SLC8A3: variants seen among roughly 807,000 people sequenced by gnomAD.
The protein encoded by SLC8A3 is sodium/calcium exchanger 3.
In SLC8A3, 37 loss-of-function variants were observed where a neutral mutation model predicts 65.4. The observed-to-expected ratio is 0.57, with a 90% CI of 0.44 to 0.74. The LOEUF (loss-of-function observed/expected upper bound fraction) is 0.74. SLC8A3 is among the 30% of genes least tolerant of loss of function. The pLI is 0.00. For missense variants in SLC8A3, 1,112 were observed against 1,172.1 expected (o/e 0.95, Z 0.75); for synonymous variants, 461 against 444.5 (o/e 1.04, Z -0.47).
intron 2 of SLC8A3, among the ~76,000 whole-genome samples, chr14:70,132,695 G>C (rs1032902106): frequency 2.2e-4 from 34 of 152,076 alleles, no homozygotes; most frequent in Non-Finnish European, 1.0e-4. Context: ...AGGGGGTAGG[G>C]GTATCTAAAT....
intron 3 of SLC8A3, among the ~76,000 whole-genome samples, chr14:70,057,208 G>A (rs12435978): frequency 0.062 from 9,398 of 152,144 alleles, 619 homozygotes; most frequent in East Asian, 0.39. Flanking sequence ...ACTTTTTTAG[G>A]TATCTCCCAT....
intron 2 of SLC8A3, among the ~76,000 whole-genome samples, chr14:70,068,917 AG>A (rs1158586509): frequency 3.3e-5 from 5 of 151,990 alleles, no homozygotes; most frequent in Admixed American, 2.6e-4. Flanking sequence ...TCTAGAGACG[AG>A]GTGTCACCAT....
intron 3 of SLC8A3, among the ~76,000 whole-genome samples, chr14:70,058,546 A>G (rs1296698860): frequency 6.6e-6 from 1 of 152,152 alleles, no homozygotes; most frequent in Non-Finnish European, 1.5e-5. Flanking sequence ...TTGTCTTCTC[A>G]CCTACTCCCT....
intron 2 of SLC8A3, among the ~76,000 whole-genome samples, chr14:70,160,847 G>C (rs1038624862): frequency 1.4e-5 from 2 of 145,550 alleles, no homozygotes; most frequent in Admixed American, 7.0e-5. Context: ...CATATTCTTT[G>C]ACAGTCTCAG....
chr14:70,184,010 C>T (rs958311949), intron 1 of SLC8A3, among the ~76,000 whole-genome samples: 1 of 152,210 alleles, frequency 6.6e-6, no homozygotes, highest in African/African-American at 2.4e-5. Flanking sequence ...CTGCCTGTTG[C>T]TTCACTGCAA....
chr14:70,178,094 TCA>T (rs1882393700), intron 1 of SLC8A3, among the ~76,000 whole-genome samples: 2 of 152,298 alleles, frequency 1.3e-5, no homozygotes, highest in South Asian at 2.1e-4. Context: ...CCATACCACA[TCA>T]GGCCCCTTCC....
chr14:70,118,048 T>G (rs1160162308), intron 2 of SLC8A3, among the ~76,000 whole-genome samples: 1 of 152,202 alleles, frequency 6.6e-6, no homozygotes, highest in Non-Finnish European at 1.5e-5. Flanking sequence ...GATCTGTGAG[T>G]ATAAATACTT....
At chr14:70,169,556 T>C (rs1469155735) in intron 1 of SLC8A3, among the ~76,000 whole-genome samples, 1 of 151,688 alleles carries the variant, frequency 6.6e-6, no homozygotes, top group Non-Finnish European at 1.5e-5. Flanking sequence ...CTCAAACCAC[T>C]AAAAGGTGAG....
chr14:70,126,558 T>TCACA (rs1463664680), intron 2 of SLC8A3, among the ~76,000 whole-genome samples: 6 of 94,800 alleles, frequency 6.3e-5, no homozygotes, highest in African/African-American at 1.2e-4. Flanking sequence ...TCTCTCTCTC[T>TCACA]CTCTCTCTCT....
At chr14:70,088,728 A>G (rs1160847230) in intron 2 of SLC8A3, among the ~76,000 whole-genome samples, 2 of 152,242 alleles carry the variant, frequency 1.3e-5, no homozygotes, top group South Asian at 2.1e-4. Flanking sequence ...CAAACATTCC[A>G]TAGCTGAACT....
At position 70,044,703 on chromosome 14, in the gene SLC8A3, A is replaced by G. The variant is rs1886561102; in HGVS notation, c.*1244T>C. The G allele has an allele frequency of 6.6e-6, 1 of 152,286 alleles. No individual in the cohort carries two copies. The highest frequency in any genetic ancestry group is 2.1e-4 in the South Asian group (1 of 4,812). 9.4% of individuals were successfully genotyped at this position (152,286 alleles called of 1,614,324 possible). On this transcript the variant is annotated 3_prime_UTR_variant, in exon 7 of 7. Transcript: ENST00000356921. ...GAATTCCAGTTCCTATCTTGTAAAA[A>G]TGCTTTCATATGTGACCTGAGGGAC...
At chr14:70,099,318 T>C (rs1892404271) in intron 2 of SLC8A3, among the ~76,000 whole-genome samples, 1 of 152,252 alleles carries the variant, frequency 6.6e-6, no homozygotes, top group Non-Finnish European at 1.5e-5. Context: ...AAGAATACGT[T>C]ACAGAGACCC....
intron 2 of SLC8A3, among the ~76,000 whole-genome samples, chr14:70,161,130 T>TATATAA (rs973927348): frequency 2.1e-5 from 3 of 145,384 alleles, no homozygotes; most frequent in African/African-American, 5.0e-5. Flanking sequence ...GGTATATATA[T>TATATAA]ATATAAATAT....
At chr14:70,165,138 C>T (rs1287338682) in intron 2 of SLC8A3, among the ~76,000 whole-genome samples, 1 of 152,196 alleles carries the variant, frequency 6.6e-6, no homozygotes, top group Non-Finnish European at 1.5e-5. Context: ...CTGACCTTGC[C>T]TCCAGGCAAG....
intron 2 of SLC8A3, among the ~76,000 whole-genome samples, chr14:70,132,315 C>T (rs575824853): frequency 6.6e-6 from 1 of 152,330 alleles, no homozygotes; most frequent in East Asian, 1.9e-4. Context: ...GAGCCCATCC[C>T]TTTGCACTCT....
intron 1 of SLC8A3, among the ~76,000 whole-genome samples, chr14:70,183,686 T>C (rs987944772): frequency 1.3e-5 from 2 of 152,234 alleles, no homozygotes; most frequent in African/African-American, 4.8e-5. Flanking sequence ...GTATCTCTGG[T>C]TTGTCTGGAG....
intron 2 of SLC8A3, among the ~76,000 whole-genome samples, chr14:70,075,929 G>A (rs572983480): frequency 6.5e-4 from 99 of 152,278 alleles, no homozygotes; most frequent in Non-Finnish European, 1.2e-3. Flanking sequence ...GCAGGTCTGG[G>A]TGGGGCCTGA....
intron 2 of SLC8A3, among the ~76,000 whole-genome samples, chr14:70,108,316 C>A (rs1017793240): frequency 1.3e-5 from 2 of 150,884 alleles, no homozygotes; most frequent in African/African-American, 4.9e-5. Context: ...AGGAGAATCG[C>A]TTTAACCCGG....
chr14:70,134,322 T>C (rs1895048336), intron 2 of SLC8A3, among the ~76,000 whole-genome samples: 1 of 152,206 alleles, frequency 6.6e-6, no homozygotes, highest in Non-Finnish European at 1.5e-5. Flanking sequence ...TTTTACTTAG[T>C]ATTTTTCAGA....
Sources: allele counts gnomAD v4.1 joint callset (sites outside exome capture counted in the v4.1 genomes callset), GRCh38; gene constraint gnomAD v4.1.1; transcripts MANE v1.5; gene names NCBI Gene and HGNC (gene_info 2026-07-23, HGNC 2026-07-21).